CNTNAP2: variants seen among roughly 807,000 people sequenced by gnomAD.
The protein encoded by CNTNAP2 is contactin-associated protein-like 2.
In CNTNAP2, 98 loss-of-function variants were observed where a neutral mutation model predicts 155.2. That is an observed-to-expected ratio of 0.63 (90% CI 0.54 to 0.75). The LOEUF is 0.75. Among genes scored for constraint, CNTNAP2 ranks in the 30% least tolerant of loss-of-function variants. The pLI, the probability that CNTNAP2 is intolerant of heterozygous loss-of-function variation, is 0.00. For missense variants in CNTNAP2, 1,727 were observed against 1,688.1 expected (o/e 1.02, Z -0.40); for synonymous variants, 651 against 631.2 (o/e 1.03, Z -0.47).
intron 21 of CNTNAP2, among the ~76,000 whole-genome samples, chr7:148,304,617 T>C (rs1194891822): frequency 2.0e-5 from 3 of 152,124 alleles, no homozygotes; most frequent in Non-Finnish European, 2.9e-5. Flanking sequence ...TGTAAATGAG[T>C]GGGTGTAGCT....
intron 14 of CNTNAP2, among the ~76,000 whole-genome samples, chr7:147,971,071 T>C (rs1801324941): frequency 6.6e-6 from 1 of 152,148 alleles, no homozygotes; most frequent in Admixed American, 6.6e-5. Flanking sequence ...TGATATAAAC[T>C]TTAAAGGTAG....
chr7:147,812,002 AAAT>A (rs1340783567), intron 13 of CNTNAP2, among the ~76,000 whole-genome samples: 1 of 152,214 alleles, frequency 6.6e-6, no homozygotes, highest in Non-Finnish European at 1.5e-5. Flanking sequence ...GAAAAAAATC[AAAT>A]AATAGCAATG....
chr7:148,077,626 CT>C (rs1367480309), intron 15 of CNTNAP2, among the ~76,000 whole-genome samples: 7 of 152,104 alleles, frequency 4.6e-5, no homozygotes, highest in Non-Finnish European at 1.0e-4. Flanking sequence ...GTTTGAAAAT[CT>C]TTCTTTTTTT....
chr7:147,155,516 A>G (rs1017338209), intron 8 of CNTNAP2, among the ~76,000 whole-genome samples: 2 of 152,154 alleles, frequency 1.3e-5, no homozygotes, highest in Non-Finnish European at 2.9e-5. Flanking sequence ...ACTTCTGCAT[A>G]GCTGATATGA....
intron 8 of CNTNAP2, among the ~76,000 whole-genome samples, chr7:147,139,361 T>A (rs1440727495): frequency 6.6e-6 from 1 of 152,116 alleles, no homozygotes. Flanking sequence ...CAACTTTAGA[T>A]GTTTTTGCAA....
At chr7:147,872,567 A>T (rs1799345363) in intron 13 of CNTNAP2, among the ~76,000 whole-genome samples, 1 of 152,208 alleles carries the variant, frequency 6.6e-6, no homozygotes, top group Non-Finnish European at 1.5e-5. Context: ...AGATTCCTGG[A>T]AGGATTTTTG....
intron 8 of CNTNAP2, among the ~76,000 whole-genome samples, chr7:147,239,904 T>G (rs949677912): frequency 2.0e-5 from 3 of 152,144 alleles, no homozygotes; most frequent in African/African-American, 7.2e-5. Context: ...TTTTCATATA[T>G]AATATTTTTT....
chr7:147,871,545 T>C (rs557630033), intron 13 of CNTNAP2, among the ~76,000 whole-genome samples: 3 of 152,328 alleles, frequency 2.0e-5, no homozygotes, highest in East Asian at 3.9e-4. Flanking sequence ...GTTGCCCTCA[T>C]TGGGGTATCA....
chr7:146,777,880 TAGCC>T (rs144526534), intron 2 of CNTNAP2, among the ~76,000 whole-genome samples: 4,893 of 149,814 alleles, frequency 0.033, 272 homozygotes, highest in African/African-American at 0.12. Context: ...ATGTGGCTAA[TAGCC>T]AGCATTGAGA....
chr7:148,106,493 G>GATAGATAGATAGATATATAT lies in CNTNAP2; in HGVS notation c.2384-11622_2384-11621insGATAGATAGATATATATATA, dbSNP rs1490418389. Among the ~76,000 whole-genome samples, 788 of 124,900 alleles carry GATAGATAGATAGATATATAT rather than the reference G, an allele frequency of 6.3e-3. 31 individuals are homozygous for GATAGATAGATAGATATATAT. Among genetic ancestry groups the GATAGATAGATAGATATATAT allele is most frequent in the African/African-American group, 0.025 (717 of 28,984 alleles). The allele number at this position is 124,900 out of a possible 152,430, so 81.9% of individuals were successfully genotyped here. A position where few individuals can be genotyped will look rare whatever the true frequency, so the allele number is the denominator to read the frequency against. ...CACTTCAGTGTACTGCACACTTTGA[G>GATAGATAGATAGATATATAT]ATATATATATATATATATATATATA... On this transcript the variant is annotated intron_variant, in intron 15 of 23. Coordinates refer to ENST00000361727, the MANE Select transcript of CNTNAP2 (RefSeq NM_014141.6).
At chr7:147,134,362 A>G (rs562452109) in intron 8 of CNTNAP2, among the ~76,000 whole-genome samples, 2 of 152,082 alleles carry the variant, frequency 1.3e-5, no homozygotes, top group East Asian at 3.9e-4. Flanking sequence ...GCTTAAACCT[A>G]ATAAAAATGG....
At chr7:146,773,381 C>A (rs1802330446) in intron 1 of CNTNAP2, among the ~76,000 whole-genome samples, 1 of 152,020 alleles carries the variant, frequency 6.6e-6, no homozygotes, top group South Asian at 2.1e-4. Context: ...TCTTTACTTG[C>A]TGATGTCTAG....
rs142734966 is a variant in CNTNAP2, at chr7:148,109,461, C to T, written c.2384-8657C>T. On this transcript the variant is annotated intron_variant, in intron 15 of 23. Transcript: ENST00000361727. Reference sequence around the variant, plus strand: ...GTACAATGGTGCGATCTCGGCTCACCGCAACCTCCGCTTCCCAGGTTCAAG... The same window carrying T: ...GTACAATGGTGCGATCTCGGCTCACTGCAACCTCCGCTTCCCAGGTTCAAG... 3.7e-3 allele frequency among the ~76,000 whole-genome samples: 567 copies of T among 152,086 alleles called. 1 individual carries two copies. Among genetic ancestry groups the T allele is most frequent in the Middle Eastern group, 0.017 (5 of 294 alleles).
intron 16 of CNTNAP2, among the ~76,000 whole-genome samples, chr7:148,145,615 T>C (rs1318698670): frequency 6.6e-6 from 1 of 152,224 alleles, no homozygotes; most frequent in African/African-American, 2.4e-5. Context: ...ACAACTTACA[T>C]TTAAAAAATG....
chr7:147,531,842 TG>T lies in CNTNAP2; in HGVS notation c.1778-30295del, dbSNP rs561735229. Among the ~76,000 whole-genome samples, 320 of 150,642 alleles carry T rather than the reference TG, an allele frequency of 2.1e-3. 1 individual carries two copies. The highest frequency in any genetic ancestry group is 3.4e-3 in the Middle Eastern group (1 of 290). On this transcript the variant is annotated intron_variant, in intron 11 of 23. Coordinates refer to ENST00000361727, the MANE Select transcript of CNTNAP2 (RefSeq NM_014141.6). Reference sequence around the variant, plus strand: ...TTTTTTCCGAGACAAAGTCTCACTCTGTCACCCAGGCTGGAATGCAGTGGTG... The same window carrying T: ...TTTTTTCCGAGACAAAGTCTCACTCTTCACCCAGGCTGGAATGCAGTGGTG...
chr7:147,234,055 A>AC (rs1491482714), intron 8 of CNTNAP2, among the ~76,000 whole-genome samples: 15 of 145,776 alleles, frequency 1.0e-4, no homozygotes, highest in Non-Finnish European at 2.0e-4. Context: ...AAAAAAAAAA[A>AC]CTCAAAAGAA....
intron 15 of CNTNAP2, among the ~76,000 whole-genome samples, chr7:148,043,222 G>T (rs1309306819): frequency 1.3e-5 from 2 of 152,144 alleles, no homozygotes; most frequent in East Asian, 1.9e-4. Context: ...GCACATAAAG[G>T]CTGTTTGACA....
At chr7:147,240,262 C>T (rs1803906605) in intron 8 of CNTNAP2, among the ~76,000 whole-genome samples, 1 of 152,132 alleles carries the variant, frequency 6.6e-6, no homozygotes. Flanking sequence ...GAGTTCAAGG[C>T]TGCAGTGAGC....
At chr7:146,122,652 C>CCATG (rs1554459790) in intron 1 of CNTNAP2, among the ~76,000 whole-genome samples, 1 of 151,010 alleles carries the variant, frequency 6.6e-6, no homozygotes, top group Non-Finnish European at 1.5e-5. Context: ...CCAAACTCTC[C>CCATG]CATTCATTCA....
Sources: allele counts gnomAD v4.1 joint callset (sites outside exome capture counted in the v4.1 genomes callset), GRCh38; gene constraint gnomAD v4.1.1; transcripts MANE v1.5; gene names NCBI Gene and HGNC (gene_info 2026-07-23, HGNC 2026-07-21).